The following TNS1 variants were observed in gnomAD, a reference collection of about 807,000 sequenced individuals.
The protein encoded by TNS1 is tensin-1.
A neutral mutation model predicts 168.6 loss-of-function variants in TNS1; 62 were observed. The observed-to-expected ratio is 0.37, with a 90% CI of 0.30 to 0.45. The LOEUF is 0.45. TNS1 is among the 20% of genes least tolerant of loss of function. The pLI is 1.00. For missense variants in TNS1, 2,240 were observed against 2,339.4 expected (o/e 0.96, Z 0.88); for synonymous variants, 934 against 933.2 (o/e 1.00, Z -0.02).
At chr2:217,957,284 T>A (rs3791889) in intron 3 of TNS1, among the ~76,000 whole-genome samples, 4 of 151,926 alleles carry the variant, frequency 2.6e-5, no homozygotes, top group Admixed American at 2.6e-4. Context: ...GAAGCAGCCA[T>A]GCAAGCTCCC....
chr2:217,844,437 T>C (rs77459642), intron 19 of TNS1, among the ~76,000 whole-genome samples: 1 of 152,094 alleles, frequency 6.6e-6, no homozygotes, highest in East Asian at 1.9e-4. Context: ...TTTAAGATCA[T>C]CCAGAGACAG....
At chr2:217,827,450 G>A (rs1170420454) in intron 22 of TNS1, among the ~76,000 whole-genome samples, 1 of 152,122 alleles carries the variant, frequency 6.6e-6, no homozygotes, top group Non-Finnish European at 1.5e-5. Context: ...CCGGGCAGTG[G>A]CACATGAGTC....
At chr2:217,870,789 C>T (rs559342006) in intron 18 of TNS1, among the ~76,000 whole-genome samples, 1 of 152,328 alleles carries the variant, frequency 6.6e-6, no homozygotes, top group Non-Finnish European at 1.5e-5. Context: ...CCCAAGCATG[C>T]CAGCTGCCTC....
intron 2 of TNS1, among the ~76,000 whole-genome samples, chr2:217,990,053 AGC>A (rs1958317462): frequency 7.4e-6 from 1 of 135,132 alleles, no homozygotes; most frequent in African/African-American, 2.8e-5. Flanking sequence ...ACACACCCTC[AGC>A]ACACATCATC....
intron 22 of TNS1, among the ~76,000 whole-genome samples, chr2:217,824,179 TAGTC>T (rs774065614): frequency 2.4e-4 from 36 of 152,174 alleles, no homozygotes; most frequent in Non-Finnish European, 5.0e-4. Context: ...TTTACCAAAA[TAGTC>T]AGTGGACAGG....
chr2:217,903,761 G>A, intron 6 of TNS1: 2 of 685,200 alleles, frequency 2.9e-6, no homozygotes, highest in Non-Finnish European at 5.0e-6. Flanking sequence ...TTTTTGCCTT[G>A]GTCCTCATTG....
intron 23 of TNS1, among the ~76,000 whole-genome samples, chr2:217,820,220 C>G (rs752829334): frequency 6.6e-6 from 1 of 152,134 alleles, no homozygotes; most frequent in Non-Finnish European, 1.5e-5. Flanking sequence ...TGGAAAGGGC[C>G]AACACTTCAG....
In TNS1 at chr2:217,813,121, T is replaced by C. The variant is rs534432100; in HGVS notation, c.4954+94A>G. On this transcript the variant is annotated intron_variant, in intron 27 of 32. Coordinates refer to ENST00000682258, the MANE Select transcript of TNS1 (RefSeq NM_001387777.1). The surrounding 1 kb of genome is among the most constrained non-coding windows in gnomAD (Gnocchi z 4.0). ...TGACAAGGGTGACTGGCAGAGCCTGTCAGAAAGAACTTGGGGTCAGACCCC... is the reference window on the plus strand; with the variant it reads ...TGACAAGGGTGACTGGCAGAGCCTGCCAGAAAGAACTTGGGGTCAGACCCC... 67 of 845,080 alleles carry C rather than the reference T, an allele frequency of 7.9e-5. 1 individual carries two copies. In the South Asian group the frequency reaches 9.8e-4, roughly 12 times the overall value. The allele number at this position is 845,080 out of a possible 1,614,324, so 52.3% of individuals were successfully genotyped here. A position where few individuals can be genotyped will look rare whatever the true frequency, so the allele number is the denominator to read the frequency against.
intron 9 of TNS1, among the ~76,000 whole-genome samples, chr2:217,894,365 G>A (rs1266645175): frequency 2.6e-5 from 4 of 152,098 alleles, no homozygotes; most frequent in African/African-American, 7.2e-5. Context: ...AGAATAAAAA[G>A]CAGCAACAGG....
At chr2:218,030,956 T>G (rs1958887117) in intron 1 of TNS1, among the ~76,000 whole-genome samples, 1 of 152,014 alleles carries the variant, frequency 6.6e-6, no homozygotes, top group Non-Finnish European at 1.5e-5. Flanking sequence ...TGTGTATGTG[T>G]GTGAGCATGT....
At chr2:217,905,280 G>A (rs7600493) in intron 6 of TNS1, 150,590 of 349,542 alleles carry the variant, frequency 0.43, 34,372 homozygotes, top group African/African-American at 0.63. Flanking sequence ...CCACGCCCAG[G>A]GGAACTCATG....
upstream of TNS1, among the ~76,000 whole-genome samples, chr2:218,011,894 A>G (rs750448106): frequency 1.3e-5 from 2 of 152,168 alleles, no homozygotes; most frequent in Non-Finnish European, 2.9e-5. Flanking sequence ...GCCCTCCAGC[A>G]AGGGGGATCA....
intron 4 of TNS1, among the ~76,000 whole-genome samples, chr2:217,917,165 C>T (rs894214179): frequency 1.3e-5 from 2 of 152,158 alleles, no homozygotes; most frequent in Admixed American, 1.3e-4. Context: ...CTGCCACCTT[C>T]CCCCATGGCC....
At chr2:217,930,366 T>C (rs1418300781) in intron 3 of TNS1, among the ~76,000 whole-genome samples, 1 of 152,150 alleles carries the variant, frequency 6.6e-6, no homozygotes, top group Non-Finnish European at 1.5e-5. Context: ...ATGGAGAACA[T>C]GGCCTTTGAG....
At chr2:217,809,320 G>GATGGATGGATGGATGC (rs1940056363) in intron 30 of TNS1, among the ~76,000 whole-genome samples, 1 of 74,022 alleles carries the variant, frequency 1.4e-5, no homozygotes, top group Non-Finnish European at 2.7e-5. Flanking sequence ...TGGATGCATG[G>GATGGATGGATGGATGC]ATGGATGGAT....
At chr2:217,975,159 C>G (rs912175719) in intron 3 of TNS1, among the ~76,000 whole-genome samples, 3 of 152,204 alleles carry the variant, frequency 2.0e-5, no homozygotes, top group Admixed American at 2.0e-4. Flanking sequence ...CTGGCAACAG[C>G]CAACCCCAAC....
At chr2:217,845,579 C>T (rs747109952) in intron 19 of TNS1, among the ~76,000 whole-genome samples, 1 of 152,238 alleles carries the variant, frequency 6.6e-6, no homozygotes, top group Non-Finnish European at 1.5e-5. Flanking sequence ...TCTTGAGTCA[C>T]TCCCAGTTGA....
At chr2:217,807,069 C>A (rs999305465) in intron 32 of TNS1, among the ~76,000 whole-genome samples, 1 of 152,248 alleles carries the variant, frequency 6.6e-6, no homozygotes, top group African/African-American at 2.4e-5. Context: ...TGCTGCCTCT[C>A]CCTCCCTTGC....
intron 18 of TNS1, among the ~76,000 whole-genome samples, chr2:217,863,728 A>G (rs1949005739): frequency 6.6e-6 from 1 of 152,150 alleles, no homozygotes; most frequent in Non-Finnish European, 1.5e-5. Flanking sequence ...TTCTGGTTCT[A>G]TGGACAGCCA....
Sources: allele counts gnomAD v4.1 joint callset (sites outside exome capture counted in the v4.1 genomes callset), GRCh38; gene constraint gnomAD v4.1.1; non-coding constraint Gnocchi (gnomAD v3.1); transcripts MANE v1.5; gene names NCBI Gene and HGNC (gene_info 2026-07-23, HGNC 2026-07-21).